EHMT2: variants seen among roughly 807,000 people sequenced by gnomAD.
The protein encoded by EHMT2 is histone-lysine N-methyltransferase EHMT2.
A neutral mutation model predicts 143.3 loss-of-function variants in EHMT2; 59 were observed. The observed-to-expected ratio is 0.41, with a 90% CI of 0.33 to 0.51. The LOEUF (loss-of-function observed/expected upper bound fraction) is 0.51, where lower values mean the gene tolerates loss of function less well. Ranked by LOEUF, EHMT2 falls within the 20% of genes least tolerant of loss-of-function variation. The pLI, the probability that EHMT2 is intolerant of heterozygous loss-of-function variation, is 0.18. For missense variants in EHMT2, 1,174 were observed against 1,645.9 expected (o/e 0.71, Z 4.96); for synonymous variants, 604 against 651.5 (o/e 0.93, Z 1.11).
At position 31,887,768 on chromosome 6, in the gene EHMT2, T is replaced by C; in HGVS notation, c.1928+11A>G. 1 of 1,598,870 alleles carries C rather than the reference T, an allele frequency of 6.3e-7. No individual in the cohort carries two copies. The highest frequency in any genetic ancestry group is 8.5e-7 in the Non-Finnish European group (1 of 1,174,982). On this transcript the variant is annotated intron_variant, in intron 14 of 27. Coordinates refer to ENST00000375537, the Ensembl canonical transcript of EHMT2. Reference sequence around the variant, plus strand: ...GCCCCAGTTGCTGTGCCTGAGCAACTCCCCACTCACCTCTCTGACTCCTGG... The same window carrying C: ...GCCCCAGTTGCTGTGCCTGAGCAACCCCCCACTCACCTCTCTGACTCCTGG...
chr6:31,896,765 C>G, exon 3 of EHMT2: 3 of 1,613,000 alleles, frequency 1.9e-6, no homozygotes, highest in Non-Finnish European at 2.5e-6. Context: ...TCCAGGGAGT[C>G]GGGGGTGGCC....
intron 7 of EHMT2, among the ~76,000 whole-genome samples, chr6:31,891,460 T>C (rs1206611197): frequency 2.0e-5 from 3 of 152,216 alleles, no homozygotes; most frequent in Non-Finnish European, 4.4e-5. Flanking sequence ...TATGTTTAGG[T>C]AAAATGATAT....
exon 17 of EHMT2, chr6:31,886,791 C>A: frequency 1.2e-6 from 2 of 1,614,234 alleles, no homozygotes; most frequent in South Asian, 2.2e-5. Context: ...ATAGACACAG[C>A]CACCACGCTG....
rs754989498 is a variant in EHMT2 at position 31,888,745 on chromosome 6, C to A, written c.1219G>T (p.Val407Leu). 17 of 1,612,674 alleles carry A rather than the reference C, an allele frequency of 1.1e-5. No homozygotes were observed. The highest frequency in any genetic ancestry group is 1.4e-5 in the Non-Finnish European group (17 of 1,179,968). Residue 407 changes from valine (V) to leucine (L), a missense_variant and splice_region_variant, in exon 11 of 28, where the codon GTG (valine) becomes TTG (leucine). Val to Leu is a conservative substitution (Grantham distance 32). Coordinates refer to ENST00000375537, the Ensembl canonical transcript of EHMT2. This position sits in a 1 kb window ranked among gnomAD's most constrained non-coding sequence, Gnocchi z 7.4. ...TCCAGCGAAGATGTGTCATTGGACACCCCTTGGATGGAGGAAAAGAGGAGC... is the reference window on the plus strand; with the variant it reads ...TCCAGCGAAGATGTGTCATTGGACAACCCTTGGATGGAGGAAAAGAGGAGC...
chr6:31,886,458 G>A (rs1412919970), intron 18 of EHMT2, 123 bp downstream of exon 18: 2 of 716,694 alleles, frequency 2.8e-6, no homozygotes, highest in Non-Finnish European at 4.7e-6. Flanking sequence ...GAAGAAGAAA[G>A]CAATGAGGAC....
chr6:31,886,552 A>G (rs1383115408), intron 18 of EHMT2, 29 bp downstream of exon 18: 2 of 1,596,740 alleles, frequency 1.3e-6, no homozygotes, highest in Admixed American at 1.7e-5. Flanking sequence ...CCAGGGACCC[A>G]GAGGGGCTGG....
chr6:31,882,501 A>C (rs546804250), intron 25 of EHMT2, among the ~76,000 whole-genome samples, 198 bp downstream of exon 25: 2 of 151,980 alleles, frequency 1.3e-5, no homozygotes, highest in Non-Finnish European at 2.9e-5. Flanking sequence ...GGCAGGTGCC[A>C]TTCTCAGCTG....
Position 31,883,181 on chromosome 6 carries a change from G to T in EHMT2, c.2995-172C>A. 1 of 858,284 alleles carries T rather than the reference G, an allele frequency of 1.2e-6. No individual in the cohort carries two copies. The highest frequency in any genetic ancestry group is 1.6e-5 in the South Asian group (1 of 62,032). 53.2% of individuals were successfully genotyped at this position (858,284 alleles called of 1,614,324 possible). A position where few individuals can be genotyped will look rare whatever the true frequency, so the allele number is the denominator to read the frequency against. On this transcript the variant is annotated intron_variant, in intron 23 of 27. Transcript: ENST00000375537. This position sits in a 1 kb window ranked among gnomAD's most constrained non-coding sequence, Gnocchi z 5.6. ...CATCATCCCTGGTTTGCATAGACCT[G>T]GGCACACGCCCATCGCTGTCCCAGC... is the stretch of plus-strand genomic sequence containing the variant.
chr6:31,896,781 C>T (rs1766527013), exon 3 of EHMT2: 1 of 1,613,064 alleles, frequency 6.2e-7, no homozygotes. Context: ...TGGCCTTGGG[C>T]AGGGTTTCTT....
At chr6:31,896,622 C>T (rs747668757) in exon 3 of EHMT2, 3 of 1,584,748 alleles carry the variant, frequency 1.9e-6, no homozygotes, top group Non-Finnish European at 2.6e-6. Flanking sequence ...GGATCCGGCC[C>T]CCACGGAGGT....
At chr6:31,887,124 C>T (rs1375340192) in intron 15 of EHMT2, 23 bp from the exon 16 acceptor site, 2 of 1,574,104 alleles carry the variant, frequency 1.3e-6, no homozygotes, top group African/African-American at 1.3e-5. Flanking sequence ...CCCGCCACAC[C>T]GGGAGAGGGA....
chr6:31,883,263 T>TAGGA lies in EHMT2; in HGVS notation c.2994+95_2994+98dup. 8.2e-7 allele frequency: 1 copy of TAGGA among 1,226,476 alleles called. No individual in the cohort carries two copies. The highest frequency in any genetic ancestry group is 1.2e-6 in the Non-Finnish European group (1 of 851,968). The allele number at this position is 1,226,476 out of a possible 1,614,324, so 76.0% of individuals were successfully genotyped here. On this transcript the variant is annotated intron_variant, in intron 23 of 27. Transcript: ENST00000375537. The surrounding 1 kb of genome is among the most constrained non-coding windows in gnomAD (Gnocchi z 5.6). ...CCTCTCAGTCACTTCCCCCACAGGG[T>TAGGA]AGGAGGTGAGGGACATGGTCCCAGG...
Position 31,884,334 on chromosome 6 carries a change from G to T in EHMT2, c.2771+58C>A. The T allele has an allele frequency of 1.3e-6, 2 of 1,555,040 alleles. No homozygotes were observed. Among genetic ancestry groups the T allele is most frequent in the Non-Finnish European group, 1.7e-6 (2 of 1,148,922 alleles). The stretch of plus-strand genomic sequence containing the variant: ...TGTTGTGAGGATGCAATGGAGCCTG[G>T]GGAGGGTATGGGTGGGGAGGAGGTG... On this transcript the variant is annotated intron_variant, in intron 21 of 27. Coordinates refer to ENST00000375537, the Ensembl canonical transcript of EHMT2. The surrounding 1 kb of genome is among the most constrained non-coding windows in gnomAD (Gnocchi z 7.3).
Position 31,880,038 on chromosome 6 carries a change from C to A in EHMT2, c.*46G>T. 4 of 1,589,316 alleles carry A rather than the reference C, an allele frequency of 2.5e-6. No homozygotes were observed. Among genetic ancestry groups the A allele is most frequent in the Non-Finnish European group, 3.4e-6 (4 of 1,164,762 alleles). On this transcript the variant is annotated 3_prime_UTR_variant, in exon 28 of 28. Transcript: ENST00000375537. This position sits in a 1 kb window ranked among gnomAD's most constrained non-coding sequence, Gnocchi z 6.6. ...GAGCAGCTGGTGGCAGAGGAGGCGG[C>A]TGAGCTGTGGCCATCCATGCTGGGG...
chr6:31,880,304 G>A lies in EHMT2; in HGVS notation c.3453-40C>T. ...CAGGAGCTTGTGGGACCTGGACCCA[G>A]CCACCAAGAGCCCACCCCGAAGACC... On this transcript the variant is annotated intron_variant, in intron 27 of 27. Coordinates refer to ENST00000375537, the Ensembl canonical transcript of EHMT2. The surrounding 1 kb of genome is among the most constrained non-coding windows in gnomAD (Gnocchi z 6.6). 1 of 1,590,924 alleles carries A rather than the reference G, an allele frequency of 6.3e-7. No individual in the cohort carries two copies. Among genetic ancestry groups the A allele is most frequent in the Non-Finnish European group, 8.6e-7 (1 of 1,164,156 alleles).
rs1249501243 is a variant in EHMT2 at position 31,888,116 on chromosome 6, G to A, written c.1670C>T (p.Pro557Leu). 3.1e-6 allele frequency: 5 copies of A among 1,611,966 alleles called. No homozygotes were observed. Among genetic ancestry groups the A allele is most frequent in the Non-Finnish European group, 4.2e-6 (5 of 1,179,650 alleles). ...GGGTGCAGGAGCTGCAGTGCCGGCC[G>A]GTGGGGTCACCCCGTCACCCCGGGG... The change falls in exon 13 of 28, where the codon CCG (proline) becomes CTG (leucine). Residue 557 changes from proline to leucine, a missense_variant. Physicochemically the swap from Pro to Leu is moderately conservative, Grantham distance 98 (BLOSUM62 -3). Around this residue, in one of 6 missense-constraint regions of EHMT2, gnomAD observed 608 missense variants for 903.7 expected, o/e 0.67. Transcript: ENST00000375537. This position sits in a 1 kb window ranked among gnomAD's most constrained non-coding sequence, Gnocchi z 7.4.
chr6:31,882,411 G>A (rs1054462935), intron 25 of EHMT2, among the ~76,000 whole-genome samples: 1 of 152,158 alleles, frequency 6.6e-6, no homozygotes, highest in East Asian at 1.9e-4. Context: ...GCTAGGAAGG[G>A]CGAGGAGGGG....
chr6:31,880,170 C>A lies in EHMT2; in HGVS notation c.3547G>T (p.Ala1183Ser), dbSNP rs1215305925. The change falls in exon 28 of 28, where the codon GCC becomes TCC. Residue 1183 changes from alanine to serine, a missense_variant. This residue lies in a region of EHMT2 where 42 missense variants were observed against 45.1 expected (regional missense o/e 0.93). Transcript: ENST00000375537. This position sits in a 1 kb window ranked among gnomAD's most constrained non-coding sequence, Gnocchi z 6.6. ...CGGGCCAGACGGCTCTGCTCCAGGG[C>A]AATGGCTTCGGCTGAGTGCTTGCAC... The A allele has an allele frequency of 6.8e-6, 11 of 1,612,948 alleles. No individual in the cohort carries two copies. The highest frequency in any genetic ancestry group is 9.3e-6 in the Non-Finnish European group (11 of 1,180,048).
intron 4 of EHMT2, 189 bp downstream of exon 4, chr6:31,896,074 A>G: frequency 1.4e-6 from 1 of 691,890 alleles, no homozygotes; most frequent in East Asian, 2.9e-5. Context: ...ACCACCCAAG[A>G]ATGTAAACTG....
Sources: allele counts gnomAD v4.1 joint callset (sites outside exome capture counted in the v4.1 genomes callset), GRCh38; gene constraint gnomAD v4.1.1; regional missense constraint gnomAD v4.1.1; non-coding constraint Gnocchi (gnomAD v3.1); transcripts MANE v1.5; gene names NCBI Gene and HGNC (gene_info 2026-07-23, HGNC 2026-07-21).